CCDC93: variants seen among roughly 807,000 people sequenced by gnomAD.
CCDC93 encodes the protein CCC complex scaffolding subunit CCDC93.
Under a neutral mutation model 108.2 loss-of-function variants are expected in CCDC93, and 61 were observed. The ratio of observed to expected loss-of-function variants is 0.56; its 90% confidence interval spans 0.46 to 0.70. The LOEUF is 0.70. Ranked by LOEUF, CCDC93 falls within the 30% of genes least tolerant of loss-of-function variation. The probability of loss-of-function intolerance (pLI) is 0.00; values close to 1 mark genes in which losing one functional copy is unlikely to be tolerated. For missense variants in CCDC93, 685 were observed against 764.2 expected, an observed-to-expected ratio of 0.90 and a Z score of 1.22; for synonymous variants, 276 against 260.4, an observed-to-expected ratio of 1.06 and a Z score of -0.58.
At chr2:117,941,404 C>CCCT (rs761955431) in intron 18 of CCDC93, 107 bp from the exon 19 acceptor site, 17 of 772,586 alleles carry the variant, frequency 2.2e-5, no homozygotes, top group African/African-American at 3.4e-5. Flanking sequence ...CAACCATGCG[C>CCCT]CCTACAATGC....
chr2:117,980,205 G>A (rs1485428691), intron 7 of CCDC93, among the ~76,000 whole-genome samples: 2 of 152,154 alleles, frequency 1.3e-5, no homozygotes, highest in Non-Finnish European at 2.9e-5. Flanking sequence ...GCTGACCCTG[G>A]CTCAGCCTAG....
At chr2:117,926,615 A>G (rs1209095901) in intron 23 of CCDC93, among the ~76,000 whole-genome samples, 2 of 152,210 alleles carry the variant, frequency 1.3e-5, no homozygotes, top group Non-Finnish European at 2.9e-5. Context: ...TCTGAAATTG[A>G]GGCAATAATT....
chr2:117,927,154 G>T (rs1160817344), intron 23 of CCDC93, among the ~76,000 whole-genome samples: 1 of 152,072 alleles, frequency 6.6e-6, no homozygotes, highest in Non-Finnish European at 1.5e-5. Context: ...CAAACCCACA[G>T]TCAATATCAT....
At chr2:117,979,878 C>T (rs781340002) in intron 7 of CCDC93, among the ~76,000 whole-genome samples, 5 of 152,202 alleles carry the variant, frequency 3.3e-5, no homozygotes, top group Admixed American at 6.5e-5. Flanking sequence ...GTTCTGAATA[C>T]TGTTAACGTT....
chr2:118,013,870 C>T, intron 1 of CCDC93, 84 bp downstream of exon 1: 1 of 1,292,504 alleles, frequency 7.7e-7, no homozygotes, highest in Non-Finnish European at 1.1e-6. Context: ...CTAACGCACC[C>T]AGGGCCCGCT....
chr2:118,008,417 A>T, intron 2 of CCDC93, 128 bp downstream of exon 2: 1 of 640,278 alleles, frequency 1.6e-6, no homozygotes, highest in Non-Finnish European at 2.8e-6. Context: ...AATGAATCTG[A>T]ATTAGGAAGA....
intron 11 of CCDC93, among the ~76,000 whole-genome samples, chr2:117,965,742 C>G (rs1044685957): frequency 1.3e-5 from 2 of 152,090 alleles, no homozygotes; most frequent in Non-Finnish European, 1.5e-5. Flanking sequence ...CCCTGACTCA[C>G]GCGTAACGCA....
chr2:117,952,565 T>G (rs937510945), intron 12 of CCDC93, 130 bp from the exon 13 acceptor site: 9 of 688,918 alleles, frequency 1.3e-5, no homozygotes, highest in South Asian at 5.4e-5. Flanking sequence ...TTTAAAAGGG[T>G]TGCCAACAAC....
intron 11 of CCDC93, among the ~76,000 whole-genome samples, chr2:117,967,327 A>G (rs1679619058): frequency 6.6e-6 from 1 of 152,240 alleles, no homozygotes; most frequent in African/African-American, 2.4e-5. Flanking sequence ...ATGAGACCAC[A>G]TTAATGTGGT....
Position 117,967,727 on chromosome 2 carries a change from C to T in CCDC93, c.888+6181G>A, listed in dbSNP as rs187970111. 1.6e-3 allele frequency among the ~76,000 whole-genome samples: 245 copies of T among 152,276 alleles called. 2 individuals carry two copies. The highest frequency in any genetic ancestry group is 0.011 in the South Asian group (51 of 4,826). On this transcript the variant is annotated intron_variant, in intron 11 of 23. Transcript: ENST00000376300. ...TCACATAATCTCGTTTCTTTGCCTG[C>T]AAAATGGATATAATATCACGTACTC... is the stretch of plus-strand genomic sequence containing the variant.
chr2:117,976,679 G>C lies in CCDC93; in HGVS notation c.657+1315C>G, dbSNP rs543870298. Reference sequence around the variant, plus strand: ...CAGATGCTGTCAACTAATGTACAAAGAATCAGTAAATTATCCAGAGTCACT... The same window carrying C: ...CAGATGCTGTCAACTAATGTACAAACAATCAGTAAATTATCCAGAGTCACT... On this transcript the variant is annotated intron_variant, in intron 8 of 23. Transcript: ENST00000376300. Among the ~76,000 whole-genome samples, 48 of 152,270 alleles carry C rather than the reference G, an allele frequency of 3.2e-4. No homozygotes were observed. In the South Asian group the frequency reaches 3.9e-3, roughly 12 times the overall value.
chr2:117,923,798 G>A (rs1352808041), intron 23 of CCDC93, among the ~76,000 whole-genome samples: 14 of 151,292 alleles, frequency 9.3e-5, no homozygotes, highest in African/African-American at 1.7e-4. Flanking sequence ...CTCCCAGCAC[G>A]CAGCTGGAGA....
intron 11 of CCDC93, among the ~76,000 whole-genome samples, chr2:117,966,328 A>C (rs534650243): frequency 6.6e-6 from 1 of 152,358 alleles, no homozygotes; most frequent in Non-Finnish European, 1.5e-5. Context: ...AGGGGGCAGT[A>C]AGACAGAAAC....
intron 2 of CCDC93, among the ~76,000 whole-genome samples, chr2:118,007,232 G>A (rs918279823): frequency 6.6e-6 from 1 of 152,180 alleles, no homozygotes; most frequent in Non-Finnish European, 1.5e-5. Context: ...CTGACATTTT[G>A]TTTCCATACA....
chr2:117,946,824 C>G lies in CCDC93; in HGVS notation c.1283G>C (p.Arg428Pro). The change falls in exon 16 of 24, where the codon CGT (arginine) becomes CCT (proline). Residue 428 changes from arginine to proline, a missense_variant. Coordinates refer to ENST00000376300, the MANE Select transcript of CCDC93 (RefSeq NM_019044.5). The part of the protein sequence containing the change: ...IENLKAERAP[R>P]GDEKTLSSGE... ...CAGAGCCTTTACCTTTTCATCTCCA[C>G]GTGGTGCTCTCTCAGCTTTCAGGTT... The G allele has an allele frequency of 6.2e-7, 1 of 1,612,252 alleles. No individual in the cohort carries two copies. The highest frequency in any genetic ancestry group is 8.5e-7 in the Non-Finnish European group (1 of 1,178,240).
intron 6 of CCDC93, among the ~76,000 whole-genome samples, chr2:117,988,640 T>C (rs1255489227): frequency 6.6e-6 from 1 of 152,180 alleles, no homozygotes; most frequent in Non-Finnish European, 1.5e-5. Flanking sequence ...CCCATAGATG[T>C]TTTCACCACC....
At chr2:118,013,285 G>A (rs779802692) in intron 1 of CCDC93, among the ~76,000 whole-genome samples, 9 of 152,236 alleles carry the variant, frequency 5.9e-5, no homozygotes, top group African/African-American at 1.9e-4. Context: ...TGGAGAAGCC[G>A]CAGCCTTTCC....
intron 1 of CCDC93, among the ~76,000 whole-genome samples, chr2:118,009,992 T>G (rs982724712): frequency 2.0e-5 from 3 of 152,092 alleles, no homozygotes; most frequent in African/African-American, 7.2e-5. Context: ...TGGCGCAATC[T>G]CGGCTCACTG....
intron 11 of CCDC93, among the ~76,000 whole-genome samples, chr2:117,963,643 T>C (rs1362175504): frequency 6.6e-6 from 1 of 152,200 alleles, no homozygotes; most frequent in Non-Finnish European, 1.5e-5. Context: ...GGTCCCACTG[T>C]GAGTAATGCG....
Sources: gnomAD v4.1 joint callset for allele counts (sites outside exome capture counted in the v4.1 genomes callset) on GRCh38, gnomAD v4.1.1 for gene constraint, MANE v1.5 for transcripts, NCBI Gene and HGNC (gene_info 2026-07-23, HGNC 2026-07-21) for gene names.